Variants in DMD observed in about 807,000 individuals in gnomAD.
DMD encodes dystrophin.
Under a neutral mutation model 330.1 loss-of-function variants are expected in DMD, and 63 were observed. That is an observed-to-expected ratio of 0.19 (90% CI 0.16 to 0.24). The LOEUF (loss-of-function observed/expected upper bound fraction) is 0.24. Among genes scored for constraint, DMD ranks in the 10% least tolerant of loss-of-function variants. The pLI, the probability that DMD is intolerant of heterozygous loss-of-function variation, is 1.00. For synonymous variants in DMD, 1,223 were observed against 959.8 expected (o/e 1.27, Z -5.07); for missense variants, 3,344 against 2,684.1 (o/e 1.25, Z -5.43).
At chrX:31,875,478 T>G (rs1467299359) in intron 47 of DMD, 105 bp from the exon 48 acceptor site, 34 of 652,397 alleles carry the variant, frequency 5.2e-5, no homozygotes, top group Non-Finnish European at 7.2e-5. Context: ...TATTACAGAA[T>G]CTTACTGATT....
chrX:32,553,785 T>C (rs1472971089), intron 16 of DMD, among the ~76,000 whole-genome samples: 1 of 112,024 alleles, frequency 8.9e-6, no homozygotes, highest in Non-Finnish European at 1.9e-5. Context: ...CTGTCTTCAG[T>C]GTTGGAGGAA....
intron 67 of DMD, among the ~76,000 whole-genome samples, chrX:31,190,931 T>C (rs184314643): frequency 5.7e-4 from 63 of 111,375 alleles, no homozygotes; most frequent in African/African-American, 1.8e-3. Flanking sequence ...GAGGCTACCA[T>C]AGGCCTATTC....
chrX:31,319,071 T>A (rs767793537), intron 62 of DMD, among the ~76,000 whole-genome samples: 2 of 112,174 alleles, frequency 1.8e-5, no homozygotes, highest in East Asian at 5.6e-4. Context: ...TCTGCACCAA[T>A]GGGAGACAGC....
chrX:32,031,855 A>T (rs151275753), intron 44 of DMD, among the ~76,000 whole-genome samples: 1,375 of 112,034 alleles, frequency 0.012, 20 homozygotes, highest in African/African-American at 0.042. Context: ...CTAATTTTTC[A>T]TATTTAAAAT....
intron 1 of DMD, 95 bp downstream of exon 1, chrX:33,211,187 G>A: frequency 1.9e-6 from 2 of 1,035,223 alleles, no homozygotes. Flanking sequence ...GCAAACTACT[G>A]TGATAATTTA....
intron 55 of DMD, among the ~76,000 whole-genome samples, chrX:31,618,683 T>C (rs1258915771): frequency 8.9e-6 from 1 of 111,829 alleles, no homozygotes; most frequent in African/African-American, 3.3e-5. Flanking sequence ...GACTTTTCTA[T>C]ATATTCGGGT....
At chrX:32,652,162 T>A (rs1219265371) in intron 9 of DMD, among the ~76,000 whole-genome samples, 1 of 111,209 alleles carries the variant, frequency 9.0e-6, no homozygotes, top group African/African-American at 3.3e-5. Flanking sequence ...ATACTTTAAA[T>A]ACTAGGGTAC....
chrX:31,333,303 T>C (rs912847949), intron 61 of DMD, among the ~76,000 whole-genome samples: 1 of 110,149 alleles, frequency 9.1e-6, no homozygotes, highest in African/African-American at 3.3e-5. Flanking sequence ...AAGCTTACTA[T>C]TTTTTTTCCT....
intron 1 of DMD, among the ~76,000 whole-genome samples, chrX:33,169,309 A>T (rs1057418301): frequency 8.9e-6 from 1 of 111,758 alleles, no homozygotes; most frequent in South Asian, 3.7e-4. Flanking sequence ...GATAAGGTTA[A>T]CAATCCTTGG....
intron 54 of DMD, among the ~76,000 whole-genome samples, chrX:31,655,730 C>T: frequency 9.0e-6 from 1 of 110,934 alleles, no homozygotes; most frequent in South Asian, 3.8e-4. Flanking sequence ...TTCCACCTTC[C>T]ATCATGGAAT....
At chrX:31,735,630 G>A (rs1336140529) in intron 51 of DMD, among the ~76,000 whole-genome samples, 2 of 112,034 alleles carry the variant, frequency 1.8e-5, no homozygotes, top group African/African-American at 3.2e-5. Flanking sequence ...TCCAAGGAGC[G>A]CAGAATTTAA....
At chrX:32,764,785 C>T (rs113357724) in intron 7 of DMD, among the ~76,000 whole-genome samples, 3,166 of 111,045 alleles carry the variant, frequency 0.029, 102 homozygotes, top group African/African-American at 0.098. Flanking sequence ...TTTTTCAATT[C>T]TTTTGAGTAT....
chrX:31,992,588 G>A (rs1180327569), intron 44 of DMD, among the ~76,000 whole-genome samples: 2 of 110,746 alleles, frequency 1.8e-5, no homozygotes, highest in African/African-American at 6.6e-5. Flanking sequence ...ATGGTCCCTC[G>A]TTTTTCTTGG....
chrX:32,787,701 C>T (rs773117208), intron 7 of DMD, among the ~76,000 whole-genome samples: 7 of 104,694 alleles, frequency 6.7e-5, no homozygotes, highest in Non-Finnish European at 1.2e-4. Context: ...CCTGCCCACC[C>T]TCCCCACCAT....
At chrX:32,240,544 T>C (rs962392038) in intron 43 of DMD, among the ~76,000 whole-genome samples, 2 of 111,588 alleles carry the variant, frequency 1.8e-5, no homozygotes, top group African/African-American at 6.5e-5. Context: ...CAGTCTATGG[T>C]ATTTTGTTAT....
chrX:32,892,098 T>C (rs2085263230), intron 2 of DMD, among the ~76,000 whole-genome samples: 1 of 112,064 alleles, frequency 8.9e-6, no homozygotes, highest in African/African-American at 3.2e-5. Flanking sequence ...AAATGCTTCC[T>C]CAGTGAGGCC....
intron 9 of DMD, among the ~76,000 whole-genome samples, chrX:32,672,791 G>C (rs1320955242): frequency 9.0e-6 from 1 of 110,642 alleles, no homozygotes; most frequent in Non-Finnish European, 1.9e-5. Context: ...AAACTGTATA[G>C]GGAAAGAAAT....
chrX:32,364,833 T>G, intron 35 of DMD, 123 bp from the exon 36 acceptor site: 2 of 808,701 alleles, frequency 2.5e-6, no homozygotes, highest in Admixed American at 6.2e-5. Flanking sequence ...TTTTAAGTGG[T>G]ATTTTCATAT....
At chrX:31,302,460 C>CTATATTTCAG (rs1335393800) in intron 62 of DMD, among the ~76,000 whole-genome samples, 9 of 110,918 alleles carry the variant, frequency 8.1e-5, no homozygotes, top group Non-Finnish European at 1.7e-4. Flanking sequence ...GTTTCCAGCT[C>CTATATTTCAG]TATATTTCAG....
Sources: gnomAD v4.1 joint callset for allele counts (sites outside exome capture counted in the v4.1 genomes callset) on GRCh38, gnomAD v4.1.1 for gene constraint, MANE v1.5 for transcripts, NCBI Gene and HGNC (gene_info 2026-07-23, HGNC 2026-07-21) for gene names.